The following ZSCAN5A variants were observed in gnomAD, a reference collection of about 807,000 sequenced individuals.
The protein encoded by ZSCAN5A is zinc finger and SCAN domain-containing protein 5A.
Under a neutral mutation model 23.7 loss-of-function variants are expected in ZSCAN5A, and 12 were observed. The observed-to-expected ratio is 0.51, with a 90% CI of 0.32 to 0.82. The LOEUF is 0.82. Among genes scored for constraint, ZSCAN5A ranks in the 40% least tolerant of loss-of-function variants. The pLI is 0.03. For missense variants in ZSCAN5A, 597 were observed against 617.9 expected, an observed-to-expected ratio of 0.97 and a Z score of 0.36; for synonymous variants, 257 against 239.9, an observed-to-expected ratio of 1.07 and a Z score of -0.66.
intron 2 of ZSCAN5A, among the ~76,000 whole-genome samples, chr19:56,251,625 A>G (rs1243981673): frequency 6.6e-6 from 1 of 152,200 alleles, no homozygotes; most frequent in East Asian, 1.9e-4. Flanking sequence ...TAGCATGATC[A>G]TAGCTTACTG....
chr19:56,357,244 A>T lies in ZSCAN5A; in HGVS notation c.-358+5991T>A, dbSNP rs116844074. Among the ~76,000 whole-genome samples the T allele has an allele frequency of 3.8e-4, 57 of 148,610 alleles. No individual in the cohort carries two copies. The East Asian group carries it at 7.5e-3, about 20-fold the overall frequency. ...GTGTTAACAAGTTTGGAGAGTGAGG[A>T]ATAATAAAACATATCACTGCTATTT... On this transcript the variant is annotated intron_variant, in intron 2 of 6. Coordinates refer to the ZSCAN5A transcript ENST00000587340.
chr19:56,280,318 T>C (rs1322533874), intron 2 of ZSCAN5A, among the ~76,000 whole-genome samples: 1 of 152,204 alleles, frequency 6.6e-6, no homozygotes, highest in African/African-American at 2.4e-5. Context: ...ATTTCTTGTA[T>C]GGAAGTCCAC....
At chr19:56,252,896 C>T (rs1385311731) in intron 2 of ZSCAN5A, among the ~76,000 whole-genome samples, 5 of 152,158 alleles carry the variant, frequency 3.3e-5, no homozygotes, top group Non-Finnish European at 7.4e-5. Context: ...CCAGGGGGCC[C>T]CATTCACGTG....
chr19:56,273,525 T>G (rs62122534), intron 2 of ZSCAN5A, among the ~76,000 whole-genome samples: 65,271 of 152,012 alleles, frequency 0.43, 15,435 homozygotes, highest in Non-Finnish European at 0.53. Context: ...GTGTGGGGAT[T>G]CGGAGATGGC....
At chr19:56,299,191 G>C (rs1823793190) in intron 2 of ZSCAN5A, among the ~76,000 whole-genome samples, 1 of 151,806 alleles carries the variant, frequency 6.6e-6, no homozygotes, top group African/African-American at 2.4e-5. Flanking sequence ...GAGTGCAGTG[G>C]TATGATCACG....
chr19:56,366,095 T>C (rs1600306049), intron 1 of ZSCAN5A: 1 of 152,260 alleles, frequency 6.6e-6, no homozygotes, highest in East Asian at 1.9e-4. Flanking sequence ...AATAAACAAT[T>C]CTGGTCCCCT....
intron 2 of ZSCAN5A, among the ~76,000 whole-genome samples, chr19:56,350,119 T>C (rs2041658570): frequency 6.6e-6 from 1 of 152,248 alleles, no homozygotes; most frequent in Admixed American, 6.5e-5. Context: ...TTTTGCCAGA[T>C]TATCATCCTT....
chr19:56,343,697 C>T (rs988929303), intron 2 of ZSCAN5A, among the ~76,000 whole-genome samples: 5 of 152,250 alleles, frequency 3.3e-5, no homozygotes, highest in Non-Finnish European at 7.3e-5. Flanking sequence ...CTGACTTCCA[C>T]AGGCTGGACG....
chr19:56,367,446 G>A (rs2041777564), intron 1 of ZSCAN5A: 1 of 152,200 alleles, frequency 6.6e-6, no homozygotes, highest in Non-Finnish European at 1.5e-5. Flanking sequence ...TGGAGATGGA[G>A]GAGGGAAGTA....
At chr19:56,308,341 T>TTTTTTTTTTA (rs71184348) in intron 2 of ZSCAN5A, among the ~76,000 whole-genome samples, 3 of 150,186 alleles carry the variant, frequency 2.0e-5, no homozygotes, top group Admixed American at 6.6e-5. Flanking sequence ...CTTTTTTTTT[T>TTTTTTTTTTA]GAGATGGAGG....
At chr19:56,342,309 C>CG (rs2041598861) in intron 2 of ZSCAN5A, 1 of 148,714 alleles carries the variant, frequency 6.7e-6, no homozygotes, top group Non-Finnish European at 1.5e-5. Flanking sequence ...AGCTGTCTTA[C>CG]AAAAAAAAAA....
chr19:56,339,391 T>C (rs35843446), intron 2 of ZSCAN5A, among the ~76,000 whole-genome samples: 7,251 of 72,960 alleles, frequency 0.099, 947 homozygotes, highest in African/African-American at 0.3. Flanking sequence ...TAGCAATATG[T>C]GAAGGAGCGG....
At chr19:56,236,800 A>G (rs940876775) in intron 2 of ZSCAN5A, among the ~76,000 whole-genome samples, 2 of 148,384 alleles carry the variant, frequency 1.3e-5, no homozygotes, top group Non-Finnish European at 3.0e-5. Context: ...CCTCCATTCC[A>G]GCCTCTGATG....
At chr19:56,353,828 G>T (rs1469422003) in intron 2 of ZSCAN5A, among the ~76,000 whole-genome samples, 3 of 151,962 alleles carry the variant, frequency 2.0e-5, no homozygotes, top group Non-Finnish European at 2.9e-5. Context: ...TAAATAAAAT[G>T]ATATTGAGCA....
intron 2 of ZSCAN5A, chr19:56,274,468 A>AAAAAAAG (rs1491562032): frequency 1.5e-4 from 3 of 20,566 alleles, no homozygotes; most frequent in South Asian, 1.3e-3. Context: ...AGAAAAAAAG[A>AAAAAAAG]AAAAAAAAAA....
chr19:56,325,002 T>TC (rs150107983), intron 2 of ZSCAN5A, among the ~76,000 whole-genome samples: 224 of 152,182 alleles, frequency 1.5e-3, no homozygotes, highest in African/African-American at 5.1e-3. Context: ...AGAACTAGGG[T>TC]CCCAGACTGC....
chr19:56,304,466 A>G (rs1402708259), intron 2 of ZSCAN5A, among the ~76,000 whole-genome samples: 2 of 152,334 alleles, frequency 1.3e-5, no homozygotes, highest in East Asian at 3.9e-4. Context: ...TCAACCTGCC[A>G]TACGGCCCAG....
At chr19:56,231,029 T>C (rs531525565) in intron 2 of ZSCAN5A, among the ~76,000 whole-genome samples, 26 of 152,214 alleles carry the variant, frequency 1.7e-4, no homozygotes, top group Middle Eastern at 3.4e-3. Context: ...ACTGGCAACA[T>C]GGCAAAACCC....
At chr19:56,225,968 T>C (rs1395483385) in intron 2 of ZSCAN5A, among the ~76,000 whole-genome samples, 1 of 152,032 alleles carries the variant, frequency 6.6e-6, no homozygotes, top group Non-Finnish European at 1.5e-5. Context: ...TTTGATATTT[T>C]AAAGAAGTGG....
Sources: gnomAD v4.1 joint callset for allele counts (sites outside exome capture counted in the v4.1 genomes callset) on GRCh38, gnomAD v4.1.1 for gene constraint, MANE v1.5 for transcripts, NCBI Gene and HGNC (gene_info 2026-07-23, HGNC 2026-07-21) for gene names.